The following FGF18 variants were observed in gnomAD, a reference collection of about 807,000 sequenced individuals.
The protein encoded by FGF18 is fibroblast growth factor 18.
In FGF18, 5 loss-of-function variants were observed where a neutral mutation model predicts 23.0. That is an observed-to-expected ratio of 0.22 (90% CI 0.11 to 0.46). The LOEUF (loss-of-function observed/expected upper bound fraction) is 0.46. Ranked by LOEUF, FGF18 falls within the 20% of genes least tolerant of loss-of-function variation. The pLI, the probability that FGF18 is intolerant of heterozygous loss-of-function variation, is 0.99. For missense variants in FGF18, 180 were observed against 291.6 expected (o/e 0.62, Z 2.79); for synonymous variants, 117 against 118.9 (o/e 0.98, Z 0.10).
chr5:171,449,358 G>A (rs1772459717), intron 4 of FGF18, 105 bp downstream of exon 4: 2 of 339,252 alleles, frequency 5.9e-6, no homozygotes, highest in East Asian at 6.9e-5. Context: ...TGGAAAACAG[G>A]CCGTGTGTGT....
At chr5:171,443,199 G>A (rs1453658749) in intron 3 of FGF18, among the ~76,000 whole-genome samples, 3 of 151,614 alleles carry the variant, frequency 2.0e-5, no homozygotes, top group East Asian at 1.9e-4. Context: ...GTGCAATCTC[G>A]GCTCATTGCA....
chr5:171,431,341 G>T lies in FGF18; in HGVS notation c.70-4752G>T, dbSNP rs570391852. On this transcript the variant is annotated intron_variant, in intron 2 of 4. Coordinates refer to ENST00000274625, the MANE Select transcript of FGF18 (RefSeq NM_003862.3). The stretch of plus-strand genomic sequence containing the variant: ...TGGCTGTTGTCCTGGGTAATAGGGA[G>T]CCTGGGCAGGGACATGGCATCACAT... 2.0e-5 allele frequency among the ~76,000 whole-genome samples: 3 copies of T among 152,322 alleles called. No individual in the cohort carries two copies. The East Asian group carries it at 5.8e-4, about 29-fold the overall frequency.
rs957140014 is a variant in FGF18 at position 171,423,519 on chromosome 5, G to A, written c.69+3076G>A. Among the ~76,000 whole-genome samples, 365 of 152,248 alleles carry A rather than the reference G, an allele frequency of 2.4e-3. 1 individual carries two copies. Among genetic ancestry groups the A allele is most frequent in the Non-Finnish European group, 4.0e-3 (275 of 68,000 alleles). On this transcript the variant is annotated intron_variant, in intron 2 of 4. Transcript: ENST00000274625. ...GGGCCAGGCTCGGCGGGGTGGGGGG[G>A]CATCCCCTGGCCTCTTGTCCCTCCT... is the stretch of plus-strand genomic sequence containing the variant.
rs200345838 is a variant in FGF18, at chr5:171,456,831, C to T, written c.*26C>T. 4 of 1,584,530 alleles carry T rather than the reference C, an allele frequency of 2.5e-6. No homozygotes were observed. Among genetic ancestry groups the T allele is most frequent in the Non-Finnish European group, 3.4e-6 (4 of 1,165,136 alleles). On this transcript the variant is annotated 3_prime_UTR_variant, in exon 5 of 5. Coordinates refer to ENST00000274625, the MANE Select transcript of FGF18 (RefSeq NM_003862.3). This position sits in a 1 kb window ranked among gnomAD's most constrained non-coding sequence, Gnocchi z 6.1. ...GCCACCCCGCCGCGGCCCCTCAGGT[C>T]GCCCTGGCCACACTCACACTCCCAG... is the stretch of plus-strand genomic sequence containing the variant.
At chr5:171,422,845 A>C (rs925663276) in intron 2 of FGF18, among the ~76,000 whole-genome samples, 5 of 152,174 alleles carry the variant, frequency 3.3e-5, no homozygotes, top group Non-Finnish European at 7.3e-5. Context: ...CCTGAACCCC[A>C]GCTCCAGCTC....
intron 3 of FGF18, among the ~76,000 whole-genome samples, chr5:171,446,591 G>T (rs907823835): frequency 1.1e-4 from 17 of 152,180 alleles, no homozygotes; most frequent in Non-Finnish European, 2.2e-4. Flanking sequence ...GGCCAAGAGG[G>T]AGTCTCTCCC....
intron 3 of FGF18, among the ~76,000 whole-genome samples, chr5:171,439,790 A>G (rs1009265909): frequency 2.0e-5 from 3 of 152,192 alleles, no homozygotes; most frequent in Non-Finnish European, 1.5e-5. Flanking sequence ...AGACTCTAGC[A>G]TCGGGGGGTT....
rs1772594206 is a variant in FGF18, at chr5:171,456,956, T to TG, written c.*157dup. On this transcript the variant is annotated 3_prime_UTR_variant, in exon 5 of 5. Transcript: ENST00000274625. This position sits in a 1 kb window ranked among gnomAD's most constrained non-coding sequence, Gnocchi z 6.1. Reference sequence around the variant, plus strand: ...AAGACAAAAACTGAACCAAAACTCTTGGGGGGAGGGGTGATAAGGATTTTA... The same window carrying TG: ...AAGACAAAAACTGAACCAAAACTCTTGGGGGGGAGGGGTGATAAGGATTTTA... The TG allele has an allele frequency of 2.0e-6, 2 of 976,690 alleles. No homozygotes were observed. The highest frequency in any genetic ancestry group is 2.9e-6 in the Non-Finnish European group (2 of 681,916). The allele number at this position is 976,690 out of a possible 1,614,324, so 60.5% of individuals were successfully genotyped here.
intron 2 of FGF18, among the ~76,000 whole-genome samples, chr5:171,423,297 C>T (rs1772044608): frequency 1.3e-5 from 2 of 152,218 alleles, no homozygotes; most frequent in South Asian, 4.1e-4. Context: ...GTAGATAGCT[C>T]AAATTGGAAG....
chr5:171,441,261 G>A (rs1016589323), intron 3 of FGF18, among the ~76,000 whole-genome samples: 6 of 152,150 alleles, frequency 3.9e-5, no homozygotes, highest in Admixed American at 2.0e-4. Flanking sequence ...TTTTCCACAC[G>A]CATCCCAAAA....
chr5:171,428,882 T>G (rs1772137219), intron 2 of FGF18, among the ~76,000 whole-genome samples: 1 of 152,184 alleles, frequency 6.6e-6, no homozygotes, highest in Admixed American at 6.5e-5. Flanking sequence ...CCCATATTGA[T>G]GATCTGTACC....
At chr5:171,444,288 C>A (rs528679287) in intron 3 of FGF18, among the ~76,000 whole-genome samples, 244 of 152,314 alleles carry the variant, frequency 1.6e-3, no homozygotes, top group African/African-American at 5.6e-3. Flanking sequence ...GTGGGGTAGA[C>A]AGGCAAAGCC....
chr5:171,422,463 T>C (rs2113324960), intron 2 of FGF18, among the ~76,000 whole-genome samples: 1 of 152,252 alleles, frequency 6.6e-6, no homozygotes, highest in East Asian at 1.9e-4. Context: ...GGGAGGTCCC[T>C]GAAACACTGC....
chr5:171,430,094 C>T (rs572559596), intron 2 of FGF18, among the ~76,000 whole-genome samples: 3 of 152,204 alleles, frequency 2.0e-5, no homozygotes, highest in South Asian at 4.2e-4. Flanking sequence ...CGCGGTGGCT[C>T]ACGCCTGTAA....
intron 4 of FGF18, among the ~76,000 whole-genome samples, 187 bp downstream of exon 4, chr5:171,449,440 G>A (rs967251892): frequency 2.0e-5 from 3 of 151,312 alleles, no homozygotes; most frequent in African/African-American, 7.3e-5. Flanking sequence ...GAGAGAGAGA[G>A]AGACTGTAAT....
Position 171,427,924 on chromosome 5 carries a change from C to T in FGF18, c.69+7481C>T, listed in dbSNP as rs188525009. On this transcript the variant is annotated intron_variant, in intron 2 of 4. Transcript: ENST00000274625. ...CTGGGCCCAGCACGCTTCAGTTGGC[C>T]GTGTGACCGAGTGATTGACTGGCCT... 2.7e-4 allele frequency among the ~76,000 whole-genome samples: 41 copies of T among 152,198 alleles called. 1 individual carries two copies. Among genetic ancestry groups the T allele is most frequent in the Admixed American group, 2.2e-3 (33 of 15,294 alleles).
At chr5:171,429,275 T>C (rs1772143168) in intron 2 of FGF18, among the ~76,000 whole-genome samples, 1 of 152,206 alleles carries the variant, frequency 6.6e-6, no homozygotes, top group Admixed American at 6.5e-5. Context: ...TTTGGGCCAG[T>C]CCCGTGGCCT....
chr5:171,437,218 G>GC (rs1259979626), intron 3 of FGF18, among the ~76,000 whole-genome samples: 4 of 152,232 alleles, frequency 2.6e-5, no homozygotes, highest in African/African-American at 9.6e-5. Context: ...TTGGGACGAT[G>GC]CCCCGCCTGC....
At chr5:171,448,412 G>C (rs1319600368) in intron 3 of FGF18, among the ~76,000 whole-genome samples, 1 of 152,180 alleles carries the variant, frequency 6.6e-6, no homozygotes, top group African/African-American at 2.4e-5. Flanking sequence ...GCAGGTTAAA[G>C]GTGCCGGGGG....
Sources: gnomAD v4.1 joint callset for allele counts (sites outside exome capture counted in the v4.1 genomes callset) on GRCh38, gnomAD v4.1.1 for gene constraint, Gnocchi (gnomAD v3.1) non-coding constraint, MANE v1.5 for transcripts, NCBI Gene and HGNC (gene_info 2026-07-23, HGNC 2026-07-21) for gene names.